ANP32B: variants seen among roughly 807,000 people sequenced by gnomAD.
ANP32B encodes acidic leucine-rich nuclear phosphoprotein 32 family member B.
Under a neutral mutation model 32.2 loss-of-function variants are expected in ANP32B, and 6 were observed. The observed-to-expected ratio is 0.19, with a 90% confidence interval of 0.10 to 0.37. ANP32B has a LOEUF of 0.37. ANP32B is among the 10% of genes least tolerant of loss of function. The pLI, the probability that ANP32B is intolerant of heterozygous loss-of-function variation, is 1.00. For missense variants in ANP32B, 204 were observed against 289.2 expected (o/e 0.71, Z 2.14); for synonymous variants, 98 against 105.8 (o/e 0.93, Z 0.45).
At chr9:98,012,029 G>A (rs976220014) in intron 5 of ANP32B, among the ~76,000 whole-genome samples, 1 of 152,188 alleles carries the variant, frequency 6.6e-6, no homozygotes. Flanking sequence ...AAGGCTTGGG[G>A]TTTGTGTGAT....
chr9:97,998,730 A>G (rs1349170993), intron 3 of ANP32B, 52 bp downstream of exon 3: 5 of 1,401,232 alleles, frequency 3.6e-6, no homozygotes, highest in South Asian at 1.4e-5. Flanking sequence ...TTTCATTTTC[A>G]TATTTCTTTA....
chr9:97,990,379 C>T (rs1827803265), intron 1 of ANP32B, among the ~76,000 whole-genome samples: 1 of 152,232 alleles, frequency 6.6e-6, no homozygotes, highest in Non-Finnish European at 1.5e-5. Flanking sequence ...GCTGATGGAA[C>T]ATTTAGACCT....
In ANP32B at chr9:98,011,335, T is replaced by A. The variant is rs770948925; in HGVS notation, c.582T>A (p.Asp194Glu). ...DGEEEEFDEE[D>E]DEDEDVEGDE... ...AAGAAGAGGAGTTTGATGAAGAAGA[T>A]GATGAAGATGAAGATGTAGAAGGGG... The change falls in exon 5 of 7, where the codon GAT becomes GAA. Residue 194 changes from aspartate to glutamate, a missense_variant. Physicochemically the swap from Asp to Glu is conservative, Grantham distance 45 (BLOSUM62 2). Transcript: ENST00000339399. 6.4e-7 allele frequency: 1 copy of A among 1,551,612 alleles called. No individual in the cohort carries two copies. Among genetic ancestry groups the A allele is most frequent in the South Asian group, 1.2e-5 (1 of 84,662 alleles).
chr9:97,987,326 A>G (rs1827753623), intron 1 of ANP32B, among the ~76,000 whole-genome samples: 1 of 152,154 alleles, frequency 6.6e-6, no homozygotes, highest in Non-Finnish European at 1.5e-5. Flanking sequence ...CAAGGATAGG[A>G]GATAGTTTGT....
chr9:98,008,312 C>G (rs1280423604), intron 4 of ANP32B, among the ~76,000 whole-genome samples: 2 of 152,206 alleles, frequency 1.3e-5, no homozygotes, highest in African/African-American at 4.8e-5. Context: ...CCAGGGCCTT[C>G]TTTCTCACAG....
At position 98,012,614 on chromosome 9, in the gene ANP32B, G is replaced by A. The variant is rs547216181; in HGVS notation, c.688+142G>A. ...ACACATTCACATTCTCGTTTCTATC[G>A]TCCCATCAGTGTGTCTGTGCTGGTG... On this transcript the variant is annotated intron_variant, in intron 6 of 6. Coordinates refer to ENST00000339399, the MANE Select transcript of ANP32B (RefSeq NM_006401.3). 57 of 1,277,414 alleles carry A rather than the reference G, an allele frequency of 4.5e-5. No individual in the cohort carries two copies. The African/African-American group carries it at 5.7e-4, about 13-fold the overall frequency. 79.1% of individuals were successfully genotyped at this position (1,277,414 alleles called of 1,614,324 possible).
intron 1 of ANP32B, among the ~76,000 whole-genome samples, chr9:97,993,646 CT>C (rs1448562590): frequency 1.3e-5 from 2 of 152,130 alleles, no homozygotes; most frequent in African/African-American, 2.4e-5. Context: ...AGATGTGATA[CT>C]GTTTTTGAGA....
intron 2 of ANP32B, among the ~76,000 whole-genome samples, chr9:97,995,174 T>G (rs560864914): frequency 6.6e-6 from 1 of 152,360 alleles, no homozygotes; most frequent in Admixed American, 6.5e-5. Context: ...AAAAATGTTT[T>G]CTCTTGTCAC....
intron 1 of ANP32B, among the ~76,000 whole-genome samples, chr9:97,989,632 T>C (rs1004653614): frequency 3.3e-5 from 5 of 152,238 alleles, no homozygotes; most frequent in African/African-American, 1.2e-4. Flanking sequence ...TCTCCTTTGA[T>C]TAGGACCTCT....
chr9:98,007,995 C>T (rs1828115441), intron 4 of ANP32B, among the ~76,000 whole-genome samples: 1 of 152,104 alleles, frequency 6.6e-6, no homozygotes, highest in South Asian at 2.1e-4. Flanking sequence ...TTTAGTAACA[C>T]AGAATGAGTG....
At chr9:98,010,267 T>G (rs1828159834) in intron 4 of ANP32B, among the ~76,000 whole-genome samples, 1 of 151,078 alleles carries the variant, frequency 6.6e-6, no homozygotes, top group Non-Finnish European at 1.5e-5. Flanking sequence ...ATGGTGTTTT[T>G]TTTTTTTTGT....
At chr9:98,008,704 A>AT (rs1828130085) in intron 4 of ANP32B, among the ~76,000 whole-genome samples, 2 of 152,170 alleles carry the variant, frequency 1.3e-5, no homozygotes, top group African/African-American at 4.8e-5. Context: ...ACACACTTCG[A>AT]ATGTCACTGT....
In ANP32B at chr9:98,011,355, A is replaced by T; in HGVS notation, c.602A>T (p.Glu201Val). 6.4e-7 allele frequency: 1 copy of T among 1,556,078 alleles called. No individual in the cohort carries two copies. The highest frequency in any genetic ancestry group is 8.8e-7 in the Non-Finnish European group (1 of 1,142,718). Residue 201 changes from glutamate (E) to valine (V), a missense_variant, in exon 5 of 7, where the codon GAA becomes GTA. Transcript: ENST00000339399. ...DEEDDEDEDVEGDEDDDEVSE... is the reference protein window; with the variant it reads ...DEEDDEDEDVVGDEDDDEVSE... The stretch of plus-strand genomic sequence containing the variant: ...GAAGATGATGAAGATGAAGATGTAG[A>T]AGGGGATGAGGACGACGATGAAGTC...
Position 97,999,547 on chromosome 9 carries a change from G to A in ANP32B, c.327+869G>A, listed in dbSNP as rs75749797. Among the ~76,000 whole-genome samples, 913 of 152,306 alleles carry A rather than the reference G, an allele frequency of 6.0e-3. 9 individuals are homozygous for A. The highest frequency in any genetic ancestry group is 0.02 in the African/African-American group (841 of 41,562). ...ATATTGGGATAAGATATGAAAAGCT[G>A]AGTTTCAGTGCCACTTGGGTTGTAG... On this transcript the variant is annotated intron_variant, in intron 3 of 6. Coordinates refer to ENST00000339399, the MANE Select transcript of ANP32B (RefSeq NM_006401.3).
chr9:98,006,950 T>C (rs978814167), intron 4 of ANP32B, among the ~76,000 whole-genome samples: 4 of 151,818 alleles, frequency 2.6e-5, no homozygotes, highest in African/African-American at 9.7e-5. Context: ...ATTGTGCCGC[T>C]GTGCTTTAGC....
At position 98,010,281 on chromosome 9, in the gene ANP32B, T is replaced by G. The variant is rs368270362; in HGVS notation, c.518-990T>G. 2.6e-3 allele frequency among the ~76,000 whole-genome samples: 396 copies of G among 151,594 alleles called. 1 individual carries two copies. The highest frequency in any genetic ancestry group is 0.01 in the Middle Eastern group (3 of 292). ...AATGGTGTTTTTTTTTTTTTGTTTT[T>G]TTTTTTTAAATCATAAATAGGCTAG... On this transcript the variant is annotated intron_variant, in intron 4 of 6. Transcript: ENST00000339399.
chr9:97,984,475 GCGGCGCC>G (rs1564133835), intron 1 of ANP32B: 1 of 151,426 alleles, frequency 6.6e-6, no homozygotes, highest in Non-Finnish European at 1.5e-5. Context: ...TGCCGCGGCG[GCGGCGCC>G]CGGGGCCCCT....
At chr9:98,002,558 A>G (rs990045616) in intron 3 of ANP32B, among the ~76,000 whole-genome samples, 1 of 152,158 alleles carries the variant, frequency 6.6e-6, no homozygotes, top group Non-Finnish European at 1.5e-5. Flanking sequence ...ATTGGGCCTT[A>G]AAGCACAATT....
At chr9:98,010,119 G>A (rs902152042) in intron 4 of ANP32B, among the ~76,000 whole-genome samples, 2 of 152,102 alleles carry the variant, frequency 1.3e-5, no homozygotes, top group South Asian at 2.1e-4. Flanking sequence ...AAGGTGGGGG[G>A]CAGTTCCTGA....
Sources: allele counts gnomAD v4.1 joint callset (sites outside exome capture counted in the v4.1 genomes callset), GRCh38; gene constraint gnomAD v4.1.1; transcripts MANE v1.5; gene names NCBI Gene and HGNC (gene_info 2026-07-23, HGNC 2026-07-21).